The following CTNNA3 variants were observed in gnomAD, a reference collection of about 807,000 sequenced individuals.
CTNNA3 encodes the protein catenin alpha 3.
Under a neutral mutation model 95.7 loss-of-function variants are expected in CTNNA3, and 76 were observed. The ratio of observed to expected loss-of-function variants is 0.79; its 90% CI spans 0.66 to 0.96. The LOEUF (loss-of-function observed/expected upper bound fraction) is 0.96, where lower values mean the gene tolerates loss of function less well. CTNNA3 is among the 40% of genes least tolerant of loss of function. The pLI, the probability that CTNNA3 is intolerant of heterozygous loss-of-function variation, is 0.00. For missense variants in CTNNA3, 1,191 were observed against 1,089.8 expected (o/e 1.09, Z -1.31); for synonymous variants, 431 against 374.4 (o/e 1.15, Z -1.74).
rs1173537077 is a variant in CTNNA3, at chr10:66,446,972, CAA to C, written c.1532-67622_1532-67621del. 2.6e-5 allele frequency among the ~76,000 whole-genome samples: 4 copies of C among 151,746 alleles called. No individual in the cohort carries two copies. In the East Asian group the frequency reaches 7.7e-4, roughly 29 times the overall value. ...TCCTTAAGCTGATAAGCAACTTCAG[CAA>C]AGTCTCAGGATACAAAATCAATGTG... On this transcript the variant is annotated intron_variant, in intron 11 of 17. Transcript: ENST00000433211.
intron 5 of CTNNA3, among the ~76,000 whole-genome samples, chr10:67,447,393 T>C (rs568326247): frequency 6.6e-6 from 1 of 152,352 alleles, no homozygotes; most frequent in Admixed American, 6.5e-5. Flanking sequence ...GCTTATTCAA[T>C]GATAAAAGTG....
chr10:66,280,411 A>G, intron 13 of CTNNA3, 59 bp downstream of exon 13: 1 of 1,437,684 alleles, frequency 7.0e-7, no homozygotes, highest in Non-Finnish European at 9.6e-7. Context: ...CAGTCATCCC[A>G]GGCATTCCAG....
At chr10:66,419,652 A>T (rs1476753819) in intron 11 of CTNNA3, among the ~76,000 whole-genome samples, 3 of 152,208 alleles carry the variant, frequency 2.0e-5, no homozygotes, top group Non-Finnish European at 4.4e-5. Flanking sequence ...TTACAGGGCT[A>T]TAATAACCAA....
intron 5 of CTNNA3, among the ~76,000 whole-genome samples, chr10:67,348,074 A>C (rs573181332): frequency 6.6e-6 from 1 of 152,298 alleles, no homozygotes; most frequent in South Asian, 2.1e-4. Context: ...AGTCTCTTCA[A>C]CAAATGGTGT....
intron 5 of CTNNA3, among the ~76,000 whole-genome samples, chr10:67,442,114 GT>G (rs1364813745): frequency 6.6e-6 from 1 of 151,936 alleles, no homozygotes; most frequent in South Asian, 2.1e-4. Flanking sequence ...TTTTCTTTTT[GT>G]TTTTTTGTTT....
At chr10:66,121,280 A>T (rs1196894738) in intron 13 of CTNNA3, among the ~76,000 whole-genome samples, 4 of 152,222 alleles carry the variant, frequency 2.6e-5, no homozygotes, top group Non-Finnish European at 5.9e-5. Flanking sequence ...TTTATAATGG[A>T]AGTTAACAAT....
chr10:66,884,779 G>A (rs1440345543), intron 7 of CTNNA3, among the ~76,000 whole-genome samples: 1 of 152,070 alleles, frequency 6.6e-6, no homozygotes, highest in African/African-American at 2.4e-5. Flanking sequence ...AACAGAGGGA[G>A]GAAGATAACA....
chr10:66,276,255 C>T (rs917221619), intron 13 of CTNNA3, among the ~76,000 whole-genome samples: 3 of 152,056 alleles, frequency 2.0e-5, no homozygotes, highest in Non-Finnish European at 2.9e-5. Flanking sequence ...ATTTTTGAAG[C>T]GCCTTTGATA....
chr10:67,054,129 A>T (rs548497592), intron 7 of CTNNA3, among the ~76,000 whole-genome samples: 2 of 152,264 alleles, frequency 1.3e-5, no homozygotes, highest in South Asian at 4.1e-4. Context: ...AATTCCACAT[A>T]TTCACGTAAG....
intron 16 of CTNNA3, among the ~76,000 whole-genome samples, chr10:65,972,698 C>A (rs1420611336): frequency 6.6e-6 from 1 of 151,954 alleles, no homozygotes; most frequent in Non-Finnish European, 1.5e-5. Flanking sequence ...TCATAGATGA[C>A]ACAAACAAAT....
intron 10 of CTNNA3, among the ~76,000 whole-genome samples, chr10:66,549,647 A>C (rs192081734): frequency 4.9e-4 from 74 of 152,274 alleles, no homozygotes; most frequent in African/African-American, 1.7e-3. Flanking sequence ...GCATTACCTT[A>C]GCTTTTCCTA....
At chr10:66,479,258 C>G (rs1462676845) in intron 11 of CTNNA3, among the ~76,000 whole-genome samples, 3 of 151,464 alleles carry the variant, frequency 2.0e-5, no homozygotes, top group Admixed American at 6.6e-5. Flanking sequence ...ATATTGAAGT[C>G]TATATCCTCA....
At chr10:66,383,835 C>T (rs930288103) in intron 11 of CTNNA3, among the ~76,000 whole-genome samples, 4 of 152,120 alleles carry the variant, frequency 2.6e-5, no homozygotes, top group Non-Finnish European at 2.9e-5. Context: ...AATTTCATAT[C>T]CAGCCAAACT....
chr10:67,279,193 A>C (rs1044448931), intron 5 of CTNNA3, among the ~76,000 whole-genome samples: 16 of 152,168 alleles, frequency 1.1e-4, no homozygotes, highest in Non-Finnish European at 8.8e-5. Flanking sequence ...AGCAACACCA[A>C]GCCCTCAAAA....
At chr10:67,131,529 G>T (rs1860005960) in intron 7 of CTNNA3, among the ~76,000 whole-genome samples, 1 of 152,018 alleles carries the variant, frequency 6.6e-6, no homozygotes, top group South Asian at 2.1e-4. Context: ...TAGACCATTG[G>T]TGAACAAAGG....
At chr10:66,991,884 C>T (rs974428691) in intron 7 of CTNNA3, among the ~76,000 whole-genome samples, 1 of 152,084 alleles carries the variant, frequency 6.6e-6, no homozygotes, top group South Asian at 2.1e-4. Flanking sequence ...CCAAAGAAAT[C>T]TCATTCTAGA....
chr10:66,121,717 T>C (rs1386708104), intron 13 of CTNNA3, among the ~76,000 whole-genome samples: 1 of 152,114 alleles, frequency 6.6e-6, no homozygotes, highest in Non-Finnish European at 1.5e-5. Flanking sequence ...GGCACATGCC[T>C]GTGGTCCCAA....
intron 13 of CTNNA3, among the ~76,000 whole-genome samples, chr10:66,136,571 T>G (rs763013295): frequency 2.6e-5 from 4 of 152,160 alleles, no homozygotes; most frequent in Non-Finnish European, 4.4e-5. Flanking sequence ...TTATTAACAC[T>G]TTTCTCCATC....
intron 2 of CTNNA3, among the ~76,000 whole-genome samples, chr10:67,643,194 C>A (rs1426752908): frequency 1.3e-5 from 2 of 152,160 alleles, no homozygotes; most frequent in African/African-American, 4.8e-5. Flanking sequence ...AGTTGGAAGT[C>A]ATTATCCTCA....
Sources: allele counts gnomAD v4.1 joint callset (sites outside exome capture counted in the v4.1 genomes callset), GRCh38; gene constraint gnomAD v4.1.1; transcripts MANE v1.5; gene names NCBI Gene and HGNC (gene_info 2026-07-23, HGNC 2026-07-21).